Variants in PSG4 observed in about 807,000 individuals in gnomAD.
The protein encoded by PSG4 is pregnancy-specific beta-1-glycoprotein 4.
In PSG4, 61 loss-of-function variants were observed where a neutral mutation model predicts 44.3. The ratio of observed to expected loss-of-function variants is 1.38; its 90% CI spans 1.12 to 1.70. The LOEUF is 1.70. Among genes scored for constraint, PSG4 ranks in the 40% most tolerant of loss-of-function variants. PSG4 has a pLI of 0.00. For missense variants in PSG4, 677 were observed against 511.7 expected, an observed-to-expected ratio of 1.32 and a Z score of -3.12; for synonymous variants, 248 against 191.3, an observed-to-expected ratio of 1.30 and a Z score of -2.45.
chr19:43,192,901 T>G lies in PSG4; in HGVS notation c.*471A>C, dbSNP rs200538538. 5.8e-6 allele frequency: 2 copies of G among 347,094 alleles called. No individual in the cohort carries two copies. The highest frequency in any genetic ancestry group is 1.1e-5 in the Non-Finnish European group (2 of 188,984). 21.5% of individuals were successfully genotyped at this position (347,094 alleles called of 1,614,324 possible). A position where few individuals can be genotyped will look rare whatever the true frequency, so the allele number is the denominator to read the frequency against. On this transcript the variant is annotated 3_prime_UTR_variant, in exon 6 of 6. Coordinates refer to ENST00000405312, the MANE Select transcript of PSG4 (RefSeq NM_002780.5). ...GGCAATATCTCTGTGTTCATTTCTATTGGGAGCCCTGTATGCAAGATGGAG... is the reference window on the plus strand; with the variant it reads ...GGCAATATCTCTGTGTTCATTTCTAGTGGGAGCCCTGTATGCAAGATGGAG...
In PSG4 at chr19:43,195,001, C is replaced by T. The variant is rs374506663; in HGVS notation, c.982G>A (p.Val328Ile). The T allele has an allele frequency of 1.2e-6, 2 of 1,611,538 alleles. No homozygotes were observed. The highest frequency in any genetic ancestry group is 1.7e-6 in the Non-Finnish European group (2 of 1,178,786). ...GIRSDPVTLN[V>I]LYGPDLPSIY... ...AGGAACAAAAGATACTCACAGAGGA[C>T]ATTCAGGGTGACTGGGTCACTGCGG... Residue 328 changes from valine to isoleucine, a missense_variant, in exon 4 of 6, where the codon GTC becomes ATC. Transcript: ENST00000405312.
At position 43,197,414 on chromosome 19, in the gene PSG4, C is replaced by A. The variant is rs1384823910; in HGVS notation, c.709+583G>T. On this transcript the variant is annotated intron_variant, in intron 3 of 5. Coordinates refer to ENST00000405312, the MANE Select transcript of PSG4 (RefSeq NM_002780.5). ...GAGTTATGGATGAAACAGACCTAAA[C>A]CCCTCTATATGTTTTAGTGATTTGG... 3.4e-5 allele frequency among the ~76,000 whole-genome samples: 5 copies of A among 145,534 alleles called. 1 individual carries two copies. The highest frequency in any genetic ancestry group is 7.4e-5 in the Non-Finnish European group (5 of 67,184).
intron 3 of PSG4, chr19:43,196,475 A>G (rs1225178383): frequency 6.6e-6 from 1 of 151,486 alleles, no homozygotes; most frequent in African/African-American, 2.4e-5. Flanking sequence ...GATTTCTGAC[A>G]TTTTTTTATT....
Position 43,195,398 on chromosome 19 carries a change from G to C in PSG4, c.710-125C>G, listed in dbSNP as rs1317196127. On this transcript the variant is annotated intron_variant, in intron 3 of 5. Coordinates refer to ENST00000405312, the MANE Select transcript of PSG4 (RefSeq NM_002780.5). Reference sequence around the variant, plus strand: ...CCGAGTCCTTGAAAGCCAATAGCTGGTGCTTCTGTCACAAGATAGATGCAT... The same window carrying C: ...CCGAGTCCTTGAAAGCCAATAGCTGCTGCTTCTGTCACAAGATAGATGCAT... 7 of 1,449,162 alleles carry C rather than the reference G, an allele frequency of 4.8e-6. No homozygotes were observed. The African/African-American group carries it at 5.7e-5, about 12-fold the overall frequency. 89.8% of individuals were successfully genotyped at this position (1,449,162 alleles called of 1,614,324 possible). A position where few individuals can be genotyped will look rare whatever the true frequency, so the allele number is the denominator to read the frequency against.
rs1967073647 is a variant in PSG4, at chr19:43,192,740, G to T, written c.*632C>A. Reference sequence around the variant, plus strand: ...TACATGTTTTATTCTGCTAGAATCAGTATTACTGTCACGTTTTACACTGTA... The same window carrying T: ...TACATGTTTTATTCTGCTAGAATCATTATTACTGTCACGTTTTACACTGTA... On this transcript the variant is annotated 3_prime_UTR_variant, in exon 6 of 6. Transcript: ENST00000405312. The T allele has an allele frequency of 6.0e-6, 1 of 168,042 alleles. No homozygotes were observed. The highest frequency in any genetic ancestry group is 2.4e-5 in the African/African-American group (1 of 41,544). 10.4% of individuals were successfully genotyped at this position (168,042 alleles called of 1,614,324 possible). A position where few individuals can be genotyped will look rare whatever the true frequency, so the allele number is the denominator to read the frequency against.
chr19:43,203,607 G>T, intron 2 of PSG4: 1 of 479,092 alleles, frequency 2.1e-6, no homozygotes, highest in Non-Finnish European at 3.4e-6. Context: ...TATGAAGAGG[G>T]CATGAGGTGC....
At chr19:43,204,298 G>T (rs1487357745) in intron 1 of PSG4, 47 bp from the exon 2 acceptor site, 2 of 1,509,374 alleles carry the variant, frequency 1.3e-6, no homozygotes, top group Admixed American at 2.0e-5. Context: ...CTATGTATTG[G>T]GGTGAAAAGA....
chr19:43,194,704 C>T, intron 4 of PSG4, 110 bp from the exon 5 acceptor site: 1 of 1,490,030 alleles, frequency 6.7e-7, no homozygotes, highest in Non-Finnish European at 9.0e-7. Flanking sequence ...CCTTCAAGTC[C>T]CAGCCAAACT....
rs1204721634 is a variant in PSG4, at chr19:43,204,839, A to C, written c.65-588T>G. ...CCTCTGGATGTTTCTTTTTCCCCCC[A>C]ATTGTTGAGGTTTCTTGCTGAGGAC... On this transcript the variant is annotated intron_variant, in intron 1 of 5. Transcript: ENST00000405312. The C allele has an allele frequency of 4.7e-6, 2 of 425,128 alleles. 1 individual carries two copies. Among genetic ancestry groups the C allele is most frequent in the South Asian group, 3.4e-5 (2 of 58,474 alleles). The allele number at this position is 425,128 out of a possible 1,614,324, so 26.3% of individuals were successfully genotyped here.
chr19:43,194,306 A>T, intron 5 of PSG4, 34 bp downstream of exon 5: 8 of 1,611,868 alleles, frequency 5.0e-6, no homozygotes, highest in Non-Finnish European at 6.8e-6. Context: ...CTCCACCTAA[A>T]TCCCTATTGC....
intron 2 of PSG4, among the ~76,000 whole-genome samples, chr19:43,201,569 C>G (rs1967510339): frequency 6.9e-6 from 1 of 145,280 alleles, no homozygotes; most frequent in South Asian, 2.2e-4. Flanking sequence ...CATGTGGTCC[C>G]TACCTAGAGG....
chr19:43,200,627 G>A lies in PSG4; in HGVS notation c.431-2352C>T, dbSNP rs1255853010. Among the ~76,000 whole-genome samples, 10 of 144,874 alleles carry A rather than the reference G, an allele frequency of 6.9e-5. 2 individuals are homozygous for A. Among genetic ancestry groups the A allele is most frequent in the Admixed American group, 6.9e-4 (10 of 14,588 alleles). Reference sequence around the variant, plus strand: ...GTCTCGCTCTGTTGCCCAGGCTGGAGTGCAGTGGCATGATCTCAGCTCACT... The same window carrying A: ...GTCTCGCTCTGTTGCCCAGGCTGGAATGCAGTGGCATGATCTCAGCTCACT... On this transcript the variant is annotated intron_variant, in intron 2 of 5. Transcript: ENST00000405312.
In PSG4 at chr19:43,198,251, G is replaced by C. The variant is rs767272807; in HGVS notation, c.455C>G (p.Ser152Cys). 2 of 1,587,110 alleles carry C rather than the reference G, an allele frequency of 1.3e-6. 1 individual carries two copies. Among genetic ancestry groups the C allele is most frequent in the East Asian group, 5.3e-5 (2 of 37,502 alleles). The change falls in exon 3 of 6, where the codon TCC (serine) becomes TGC (cysteine). Residue 152 changes from serine (S) to cysteine (C), a missense_variant. Physicochemically the swap from Ser to Cys is moderately radical, Grantham distance 112. Transcript: ENST00000405312. The part of the protein sequence containing the change: ...LHLETPKPSI[S>C]SSNLNPREAM... ...CTCCCTGGGATTTAAGTTGCTGCTG[G>C]AGATGGAGGGCTTGGGAGTCTCCAC...
rs1169189752 is a variant in PSG4 at position 43,197,515 on chromosome 19, T to C, written c.709+482A>G. 3.0e-4 allele frequency among the ~76,000 whole-genome samples: 43 copies of C among 141,540 alleles called. 4 individuals carry two copies. 92.9% of individuals were successfully genotyped at this position (141,540 alleles called of 152,430 possible). A position where few individuals can be genotyped will look rare whatever the true frequency, so the allele number is the denominator to read the frequency against. The stretch of plus-strand genomic sequence containing the variant: ...AGAATGCTCTGCCAGTGGGTGAGAG[T>C]CTGTGAGGCAGGAGAGATTGGGGAA... On this transcript the variant is annotated intron_variant, in intron 3 of 5. Transcript: ENST00000405312.
intron 2 of PSG4, among the ~76,000 whole-genome samples, chr19:43,201,626 A>G (rs1392078586): frequency 6.9e-6 from 1 of 144,756 alleles, no homozygotes; most frequent in Non-Finnish European, 1.5e-5. Flanking sequence ...GCATGATTCC[A>G]TCACCAAACA....
chr19:43,205,347 T>A, intron 1 of PSG4, 126 bp downstream of exon 1: 2 of 1,178,298 alleles, frequency 1.7e-6, no homozygotes, highest in Non-Finnish European at 2.3e-6. Context: ...GATCTCCTGA[T>A]CCACCCAACT....
In PSG4 at chr19:43,202,038, T is replaced by G. The variant is rs911300363; in HGVS notation, c.430+1848A>C. 6.2e-5 allele frequency among the ~76,000 whole-genome samples: 9 copies of G among 145,106 alleles called. 1 individual carries two copies. Among genetic ancestry groups the G allele is most frequent in the African/African-American group, 1.1e-4 (4 of 37,942 alleles). ...TGGCAGGAGTGGCAACTCCAGGTGA[T>G]TTCTGCACCTTTCCTATTTCCTGGG... On this transcript the variant is annotated intron_variant, in intron 2 of 5. Transcript: ENST00000405312.
chr19:43,204,203 A>T lies in PSG4; in HGVS notation c.113T>A (p.Ile38Asn). The T allele has an allele frequency of 6.3e-7, 1 of 1,584,052 alleles. No homozygotes were observed. Among genetic ancestry groups the T allele is most frequent in the Non-Finnish European group, 8.6e-7 (1 of 1,169,348 alleles). Residue 38 changes from isoleucine to asparagine, a missense_variant, in exon 2 of 6, where the codon ATT becomes AAT. By Grantham distance (149) the Ile-to-Asn change is moderately radical (BLOSUM62 -3). Coordinates refer to ENST00000405312, the MANE Select transcript of PSG4 (RefSeq NM_002780.5). ...AGAAACTTTGGGTGGCTGGGCTTCA[A>T]TCGTGACTTGGGCAGTTGTGGGCGG... ...WNPPTTAQVT[I>N]EAQPPKVSEG...
rs754623978 is a variant in PSG4, at chr19:43,200,724, C to T, written c.431-2449G>A. 8.9e-5 allele frequency among the ~76,000 whole-genome samples: 13 copies of T among 145,418 alleles called. 1 individual carries two copies. The highest frequency in any genetic ancestry group is 1.2e-4 in the Non-Finnish European group (8 of 67,054). On this transcript the variant is annotated intron_variant, in intron 2 of 5. Transcript: ENST00000405312. ...CCAAGTAGCTGGGACTACAGGCATC[C>T]GCCACCAAGCCCGGCTAATTTTTTG... is the stretch of plus-strand genomic sequence containing the variant.
Sources: allele counts gnomAD v4.1 joint callset (sites outside exome capture counted in the v4.1 genomes callset), GRCh38; gene constraint gnomAD v4.1.1; transcripts MANE v1.5; gene names NCBI Gene and HGNC (gene_info 2026-07-23, HGNC 2026-07-21).